NEGR1: variants seen among roughly 807,000 people sequenced by gnomAD.
The protein encoded by NEGR1 is IgLON family member 4.
A neutral mutation model predicts 40.9 loss-of-function variants in NEGR1; 10 were observed. The observed-to-expected ratio is 0.24, with a 90% CI of 0.15 to 0.42. The LOEUF is 0.42. Among genes scored for constraint, NEGR1 ranks in the 10% least tolerant of loss-of-function variants. The pLI is 1.00. For synonymous variants in NEGR1, 185 were observed against 166.8 expected (o/e 1.11, Z -0.84); for missense variants, 352 against 438.9 (o/e 0.80, Z 1.77).
intron 2 of NEGR1, among the ~76,000 whole-genome samples, chr1:71,908,829 T>C (rs953203593): frequency 6.6e-6 from 1 of 152,208 alleles, no homozygotes; most frequent in Non-Finnish European, 1.5e-5. Context: ...AATTCTAAAC[T>C]ACTTCCCGTG....
At chr1:72,236,654 A>G (rs1654558291) in intron 1 of NEGR1, among the ~76,000 whole-genome samples, 1 of 151,962 alleles carries the variant, frequency 6.6e-6, no homozygotes, top group Non-Finnish European at 1.5e-5. Flanking sequence ...CCATTCTGTA[A>G]AAGAGGAATA....
At chr1:71,852,887 G>A (rs1659651069) in intron 2 of NEGR1, among the ~76,000 whole-genome samples, 1 of 150,978 alleles carries the variant, frequency 6.6e-6, no homozygotes, top group Non-Finnish European at 1.5e-5. Context: ...GGAAAAAAAA[G>A]AGAAAGAATG....
intron 1 of NEGR1, among the ~76,000 whole-genome samples, chr1:72,215,760 G>A (rs937745336): frequency 3.9e-5 from 6 of 152,028 alleles, no homozygotes; most frequent in Non-Finnish European, 5.9e-5. Context: ...CACTCTTGGT[G>A]GGACTGTAAA....
intron 2 of NEGR1, among the ~76,000 whole-genome samples, chr1:71,799,055 T>C (rs1368835485): frequency 6.6e-6 from 1 of 152,056 alleles, no homozygotes; most frequent in Non-Finnish European, 1.5e-5. Flanking sequence ...TGTTTTTTTT[T>C]TTTTATTATA....
At chr1:71,501,752 A>G (rs1647000641) in intron 6 of NEGR1, among the ~76,000 whole-genome samples, 2 of 152,234 alleles carry the variant, frequency 1.3e-5, no homozygotes. Context: ...TTCACATAGC[A>G]TAACTACAGA....
At chr1:72,136,657 CAA>C (rs1227030046) in intron 1 of NEGR1, among the ~76,000 whole-genome samples, 23 of 123,864 alleles carry the variant, frequency 1.9e-4, no homozygotes, top group Non-Finnish European at 3.2e-4. Flanking sequence ...AAAAAAAAGG[CAA>C]AAAAAAAAAA....
At chr1:71,502,392 G>C (rs901061019) in intron 6 of NEGR1, among the ~76,000 whole-genome samples, 6 of 152,154 alleles carry the variant, frequency 3.9e-5, no homozygotes, top group Admixed American at 2.6e-4. Context: ...TAAATTACCT[G>C]GTGTAACTGC....
intron 5 of NEGR1, among the ~76,000 whole-genome samples, chr1:71,601,997 A>T (rs1649936020): frequency 6.6e-6 from 1 of 152,058 alleles, no homozygotes; most frequent in South Asian, 2.1e-4. Context: ...TGCTACACAC[A>T]AAAAAGGGAC....
At chr1:71,535,962 T>C (rs1461845168) in intron 6 of NEGR1, among the ~76,000 whole-genome samples, 1 of 151,748 alleles carries the variant, frequency 6.6e-6, no homozygotes, top group East Asian at 2.0e-4. Flanking sequence ...CTGTACTTTA[T>C]ATAAACAACC....
At chr1:72,134,823 C>T (rs1025014716) in intron 1 of NEGR1, among the ~76,000 whole-genome samples, 1 of 151,234 alleles carries the variant, frequency 6.6e-6, no homozygotes, top group Non-Finnish European at 1.5e-5. Flanking sequence ...CCACAACCTC[C>T]GCCTCCTGGG....
At chr1:72,077,854 C>T in intron 1 of NEGR1, among the ~76,000 whole-genome samples, 1 of 151,848 alleles carries the variant, frequency 6.6e-6, no homozygotes, top group Non-Finnish European at 1.5e-5. Context: ...CCAAATCAAG[C>T]ACAAAGAATT....
chr1:72,082,934 C>T (rs35645202), intron 1 of NEGR1, among the ~76,000 whole-genome samples: 66,148 of 151,788 alleles, frequency 0.44, 14,897 homozygotes, highest in Admixed American at 0.5. Flanking sequence ...TATTGGAATA[C>T]GGGATTATGG....
intron 1 of NEGR1, among the ~76,000 whole-genome samples, chr1:72,204,439 A>C (rs1570117967): frequency 6.6e-6 from 1 of 152,118 alleles, no homozygotes; most frequent in East Asian, 1.9e-4. Context: ...AAATACAGCC[A>C]TTTCAGTCAA....
chr1:72,258,772 A>G (rs1570187879), intron 1 of NEGR1, among the ~76,000 whole-genome samples: 3 of 152,258 alleles, frequency 2.0e-5, no homozygotes, highest in Admixed American at 2.0e-4. Context: ...CTATAAATCT[A>G]CCTATAAATA....
chr1:72,179,214 G>A (rs115328805), intron 1 of NEGR1, among the ~76,000 whole-genome samples: 5 of 152,008 alleles, frequency 3.3e-5, no homozygotes, highest in African/African-American at 1.2e-4. Flanking sequence ...TTTCAATCCT[G>A]CATATGGCTT....
chr1:72,133,168 T>C (rs553239425), intron 1 of NEGR1, among the ~76,000 whole-genome samples: 1 of 152,230 alleles, frequency 6.6e-6, no homozygotes, highest in South Asian at 2.1e-4. Flanking sequence ...GCAAATTATC[T>C]GCTTTGGTAC....
chr1:71,445,144 T>C (rs181924834), intron 6 of NEGR1, among the ~76,000 whole-genome samples: 67 of 152,232 alleles, frequency 4.4e-4, no homozygotes, highest in African/African-American at 1.6e-3. Flanking sequence ...TAATACACTT[T>C]TAGGGTTACC....
Position 71,698,053 on chromosome 1 carries a change from C to A in NEGR1, c.622G>T (p.Asp208Tyr). ...AGEYECSAEN[D>Y]VSFPDVRKVK... ...TTCCTCACATCTGGGAATGACACAT[C>A]ATTTTCCGCACTGCATTCATATTCC... is the stretch of plus-strand genomic sequence containing the variant. Residue 208 changes from aspartate to tyrosine, a missense_variant, in exon 4 of 7, where the codon GAT (aspartate) becomes TAT (tyrosine). Asp to Tyr is a radical substitution (Grantham distance 160). Around this residue, in one of 5 missense-constraint regions of NEGR1, gnomAD observed 184 missense variants for 208.7 expected, o/e 0.88. Transcript: ENST00000357731. 6.2e-7 allele frequency: 1 copy of A among 1,611,514 alleles called. No individual in the cohort carries two copies. The highest frequency in any genetic ancestry group is 8.5e-7 in the Non-Finnish European group (1 of 1,178,196).
chr1:71,558,983 C>A (rs941852355), intron 6 of NEGR1, among the ~76,000 whole-genome samples: 6 of 139,630 alleles, frequency 4.3e-5, no homozygotes, highest in Non-Finnish European at 9.4e-5. Context: ...ATACACATAT[C>A]ATTTATGTTT....
Sources: allele counts gnomAD v4.1 joint callset (sites outside exome capture counted in the v4.1 genomes callset), GRCh38; gene constraint gnomAD v4.1.1; regional missense constraint gnomAD v4.1.1; transcripts MANE v1.5; gene names NCBI Gene and HGNC (gene_info 2026-07-23, HGNC 2026-07-21).